The following SHANK1 variants were observed in gnomAD, a reference collection of about 807,000 sequenced individuals.
SHANK1 encodes SH3 and multiple ankyrin repeat domains 1.
SHANK1 carries 35 observed loss-of-function variants against 165.6 expected under a neutral mutation model. The observed-to-expected ratio is 0.21, with a 90% confidence interval of 0.16 to 0.28. The LOEUF (loss-of-function observed/expected upper bound fraction) is 0.28. SHANK1 is among the 10% of genes least tolerant of loss of function. The pLI is 1.00. For synonymous variants in SHANK1, 1,428 were observed against 1,384.8 expected, an observed-to-expected ratio of 1.03 and a Z score of -0.69; for missense variants, 2,681 against 3,036.4, an observed-to-expected ratio of 0.88 and a Z score of 2.75.
In SHANK1 at chr19:50,718,944, G is replaced by A. The variant is rs893828975; in HGVS notation, c.-44+462C>T. Among the ~76,000 whole-genome samples the A allele has an allele frequency of 3.3e-5, 5 of 151,904 alleles. No individual in the cohort carries two copies. Among genetic ancestry groups the A allele is most frequent in the Non-Finnish European group, 7.4e-5 (5 of 67,922 alleles). On this transcript the variant is annotated intron_variant, in intron 1 of 23. Coordinates refer to ENST00000293441, the MANE Select transcript of SHANK1 (RefSeq NM_016148.5). The surrounding 1 kb of genome is among the most constrained non-coding windows in gnomAD (Gnocchi z 5.1). ...GGTGGAAAGGGACTGGAGGAGCCTG[G>A]AAGGAGAAGCGGGAGCTGGAGGGGT...
intron 8 of SHANK1, 82 bp from the exon 9 acceptor site, chr19:50,704,596 A>G: frequency 8.0e-7 from 1 of 1,255,090 alleles, no homozygotes; most frequent in East Asian, 2.3e-5. Context: ...GTTCTGTGCT[A>G]AGAGCCTCAG....
intron 23 of SHANK1, 61 bp downstream of exon 23, chr19:50,666,131 G>A: frequency 6.9e-7 from 1 of 1,458,710 alleles, no homozygotes; most frequent in East Asian, 2.5e-5. Context: ...AGACCCTAAA[G>A]GGACACAGCC....
intron 8 of SHANK1, among the ~76,000 whole-genome samples, chr19:50,707,723 G>A (rs1028065681): frequency 1.4e-4 from 21 of 151,922 alleles, no homozygotes; most frequent in Non-Finnish European, 1.5e-5. Context: ...ATGAATGGAC[G>A]ACTCTGACTG....
intron 11 of SHANK1, 99 bp downstream of exon 11, chr19:50,703,401 A>G (rs1011685102): frequency 9.6e-7 from 1 of 1,042,978 alleles, no homozygotes; most frequent in Non-Finnish European, 1.4e-6. Context: ...ATGAGGGCCT[A>G]CAGAGGAAGG....
At position 50,661,763 on chromosome 19, in the gene SHANK1, G is replaced by T; in HGVS notation, c.*202C>A. 1.7e-6 allele frequency: 1 copy of T among 580,992 alleles called. No homozygotes were observed. The highest frequency in any genetic ancestry group is 3.0e-6 in the Non-Finnish European group (1 of 328,426). The allele number at this position is 580,992 out of a possible 1,614,324, so 36.0% of individuals were successfully genotyped here. A position where few individuals can be genotyped will look rare whatever the true frequency, so the allele number is the denominator to read the frequency against. Reference sequence around the variant, plus strand: ...TTCACACACACACACACACTCTTGTGTCAGCTGCCCCCCTTCAGTGAGGTG... The same window carrying T: ...TTCACACACACACACACACTCTTGTTTCAGCTGCCCCCCTTCAGTGAGGTG... On this transcript the variant is annotated 3_prime_UTR_variant, in exon 24 of 24. Transcript: ENST00000293441.
intron 21 of SHANK1, among the ~76,000 whole-genome samples, chr19:50,672,802 G>A (rs1439208438): frequency 1.3e-5 from 2 of 152,040 alleles, no homozygotes; most frequent in African/African-American, 4.8e-5. Context: ...GTTCCAGTCT[G>A]TTTTCCACAC....
intron 21 of SHANK1, among the ~76,000 whole-genome samples, chr19:50,680,808 A>G (rs1210204388): frequency 6.6e-6 from 1 of 152,128 alleles, no homozygotes; most frequent in Non-Finnish European, 1.5e-5. Context: ...GGCGTGCGCC[A>G]CCACACCCAG....
intron 21 of SHANK1, 33 bp from the exon 22 acceptor site, chr19:50,672,147 A>T (rs762958119): frequency 6.5e-7 from 1 of 1,544,660 alleles, no homozygotes; most frequent in African/African-American, 1.4e-5. Context: ...GGAGAGAGAG[A>T]AAAGATAGAG....
At chr19:50,701,490 G>A (rs1849837552) in intron 12 of SHANK1, among the ~76,000 whole-genome samples, 1 of 151,990 alleles carries the variant, frequency 6.6e-6, no homozygotes, top group Non-Finnish European at 1.5e-5. Context: ...ACCTTGTCCG[G>A]CCAAATGATG....
At chr19:50,714,857 C>T (rs1386371146) in intron 4 of SHANK1, among the ~76,000 whole-genome samples, 2 of 151,772 alleles carry the variant, frequency 1.3e-5, no homozygotes, top group African/African-American at 4.8e-5. Flanking sequence ...TTTTTTGGTA[C>T]TAAGTCTTTG....
rs767775118 is a variant in SHANK1 at position 50,666,428 on chromosome 19, C to T, written c.5532G>A (p.Pro1844=). 14 of 1,610,702 alleles carry T rather than the reference C, an allele frequency of 8.7e-6. No homozygotes were observed. Among genetic ancestry groups the T allele is most frequent in the South Asian group, 3.3e-5 (3 of 90,810 alleles). ...CGGGCAGAGGTGGTGGCGGTGGGCC[C>T]GGGCCCTCCTCCCAGGGCAGCAGCT... ...PRKLLPWEEG[P]GPPPPPLPGP... Residue 1844 remains proline, a synonymous_variant, in exon 23 of 24, where the codon CCG becomes CCA. Coordinates refer to ENST00000293441, the MANE Select transcript of SHANK1 (RefSeq NM_016148.5).
intron 15 of SHANK1, among the ~76,000 whole-genome samples, chr19:50,693,733 C>G (rs1282148608): frequency 6.6e-6 from 1 of 152,160 alleles, no homozygotes; most frequent in African/African-American, 2.4e-5. Context: ...CCCCCCTCCC[C>G]ATGCTGAGAA....
At chr19:50,672,579 A>G (rs1985838416) in intron 21 of SHANK1, among the ~76,000 whole-genome samples, 1 of 150,838 alleles carries the variant, frequency 6.6e-6, no homozygotes, top group Non-Finnish European at 1.5e-5. Context: ...AAAAAAAAAA[A>G]AGAAAAGAAG....
At chr19:50,673,454 G>A (rs1011314512) in intron 21 of SHANK1, among the ~76,000 whole-genome samples, 14 of 152,114 alleles carry the variant, frequency 9.2e-5, no homozygotes, top group Middle Eastern at 3.4e-3. Context: ...TGGTTCTCTC[G>A]GCAACAGCTT....
intron 16 of SHANK1, 27 bp downstream of exon 16, chr19:50,689,170 C>T: frequency 6.4e-7 from 1 of 1,568,362 alleles, no homozygotes; most frequent in Non-Finnish European, 8.8e-7. Context: ...GAGCCCTTCT[C>T]CCATCCCCTC....
intron 4 of SHANK1, 73 bp from the exon 5 acceptor site, chr19:50,714,363 G>A (rs752033937): frequency 2.0e-5 from 25 of 1,279,944 alleles, no homozygotes; most frequent in Admixed American, 3.8e-5. Context: ...CTCAAGCAGC[G>A]ACGTCCAGTG....
intron 8 of SHANK1, among the ~76,000 whole-genome samples, chr19:50,707,141 C>A (rs2088949230): frequency 6.6e-6 from 1 of 152,170 alleles, no homozygotes; most frequent in Non-Finnish European, 1.5e-5. Context: ...AATGTTAACT[C>A]ATTTTCTTCG....
intron 21 of SHANK1, among the ~76,000 whole-genome samples, chr19:50,676,437 G>T (rs1985987243): frequency 6.6e-6 from 1 of 152,164 alleles, no homozygotes; most frequent in South Asian, 2.1e-4. Context: ...AACAGCAGGT[G>T]CAAAGGCCCT....
At chr19:50,687,556 T>C in intron 19 of SHANK1, 26 bp downstream of exon 19, 1 of 1,535,774 alleles carries the variant, frequency 6.5e-7, no homozygotes, top group East Asian at 2.5e-5. Context: ...CCCGGCCCCC[T>C]GGCCTCAGCA....
Sources: gnomAD v4.1 joint callset for allele counts (sites outside exome capture counted in the v4.1 genomes callset) on GRCh38, gnomAD v4.1.1 for gene constraint, Gnocchi (gnomAD v3.1) non-coding constraint, MANE v1.5 for transcripts, NCBI Gene and HGNC (gene_info 2026-07-23, HGNC 2026-07-21) for gene names.